TPTE: variants seen among roughly 807,000 people sequenced by gnomAD.
TPTE encodes putative tyrosine-protein phosphatase TPTE.
A neutral mutation model predicts 84.1 loss-of-function variants in TPTE; 59 were observed. The observed-to-expected ratio is 0.70, with a 90% CI of 0.57 to 0.87. TPTE has a LOEUF of 0.87. TPTE is among the 40% of genes least tolerant of loss of function. The pLI is 0.00. For missense variants in TPTE, 382 were observed against 659.6 expected (o/e 0.58, Z 4.61); for synonymous variants, 130 against 223.5 (o/e 0.58, Z 3.73).
In TPTE at chr21:10,592,209, TG is replaced by T; in HGVS notation, c.1090-81del. On this transcript the variant is annotated intron_variant, in intron 18 of 23. Transcript: ENST00000618007. ...AAATCACTGACTTTAGGAAAGAAGG[TG>T]GGCGTAGAAACACTAAGGGTACCTA... 3.1e-6 allele frequency: 5 copies of T among 1,587,394 alleles called. No homozygotes were observed. The South Asian group carries it at 5.6e-5, about 18-fold the overall frequency.
intron 8 of TPTE, among the ~76,000 whole-genome samples, chr21:10,554,406 C>G (rs542065481): frequency 3.9e-4 from 60 of 152,388 alleles, no homozygotes; most frequent in African/African-American, 1.3e-3. Context: ...TTGATATGTG[C>G]TTTAACATCA....
Position 10,542,423 on chromosome 21 carries a change from A to G in TPTE, c.94A>G (p.Thr32Ala), listed in dbSNP as rs1424875846. 1 of 1,611,638 alleles carries G rather than the reference A, an allele frequency of 6.2e-7. No individual in the cohort carries two copies. Among genetic ancestry groups the G allele is most frequent in the Admixed American group, 1.7e-5 (1 of 59,926 alleles). Reference protein sequence around the residue: ...SPQTSEFKGATEEAPAKESPH... With the variant: ...SPQTSEFKGAAEEAPAKESPH... ...ACAGACAAGTGAATTTAAAGGAGCA[A>G]CCGAGGAGGCACCTGCGAAAGAAAG... The change falls in exon 6 of 24, where the codon ACC becomes GCC. Residue 32 changes from threonine (T) to alanine (A), a missense_variant. Thr to Ala is a moderately conservative substitution (Grantham distance 58, BLOSUM62 0). Around this residue, in one of 10 missense-constraint regions of TPTE, gnomAD observed 63 missense variants for 49.5 expected, o/e 1.27. Transcript: ENST00000618007.
rs1274110868 is a variant in TPTE at position 10,597,995 on chromosome 21, A to G, written c.1277-20A>G. On this transcript the variant is annotated intron_variant, in intron 20 of 23. Transcript: ENST00000618007. The stretch of plus-strand genomic sequence containing the variant: ...TCACGCTAGCCAACCTAACTTTTTA[A>G]TTTCATTTTGTTGGAACAGGTTATG... 1.2e-5 allele frequency: 19 copies of G among 1,612,332 alleles called. No homozygotes were observed. Among genetic ancestry groups the G allele is most frequent in the Admixed American group, 8.4e-5 (5 of 59,866 alleles).
chr21:10,605,631 T>G lies in TPTE; in HGVS notation c.*79T>G. 1 of 1,594,256 alleles carries G rather than the reference T, an allele frequency of 6.3e-7. No individual in the cohort carries two copies. Among genetic ancestry groups the G allele is most frequent in the Non-Finnish European group, 8.5e-7 (1 of 1,173,664 alleles). On this transcript the variant is annotated 3_prime_UTR_variant, in exon 24 of 24. Coordinates refer to ENST00000618007, the MANE Select transcript of TPTE (RefSeq NM_199261.4). ...CACATGTTCATATATCCTAAATCTA[T>G]CCTAAATGTTCCTTGAAGTATTTAT... is the stretch of plus-strand genomic sequence containing the variant.
chr21:10,573,093 T>G (rs1305243223), intron 14 of TPTE, among the ~76,000 whole-genome samples: 1 of 150,118 alleles, frequency 6.7e-6, no homozygotes, highest in Non-Finnish European at 1.5e-5. Flanking sequence ...GTATGCTGCC[T>G]ACAAGAAACT....
intron 3 of TPTE, among the ~76,000 whole-genome samples, chr21:10,528,157 A>G (rs1444517591): frequency 6.6e-6 from 1 of 152,308 alleles, no homozygotes; most frequent in Non-Finnish European, 1.5e-5. Flanking sequence ...ATTTTTAGGG[A>G]CAACACATTG....
At chr21:10,589,501 G>A (rs1370544981) in intron 17 of TPTE, among the ~76,000 whole-genome samples, 396 of 150,712 alleles carry the variant, frequency 2.6e-3, no homozygotes, top group African/African-American at 9.6e-3. Context: ...GGGGGCACAA[G>A]ATGGGTGCAG....
At chr21:10,548,517 C>G (rs2074513835) in intron 7 of TPTE, among the ~76,000 whole-genome samples, 1 of 152,310 alleles carries the variant, frequency 6.6e-6, no homozygotes, top group Admixed American at 6.5e-5. Context: ...CCCTGGCAGG[C>G]ACCACCCAGG....
At chr21:10,533,453 CT>C (rs1244596976) in intron 3 of TPTE, among the ~76,000 whole-genome samples, 4 of 152,306 alleles carry the variant, frequency 2.6e-5, no homozygotes, top group Admixed American at 6.5e-5. Context: ...TGTTGTATTT[CT>C]TTTTCAGTAG....
At chr21:10,526,386 G>A (rs1180886609) in intron 2 of TPTE, among the ~76,000 whole-genome samples, 3 of 152,426 alleles carry the variant, frequency 2.0e-5, no homozygotes, top group African/African-American at 7.2e-5. Context: ...ATTAGTTTGT[G>A]TAGGGGAACT....
At chr21:10,598,622 G>A (rs2075634061) in intron 21 of TPTE, among the ~76,000 whole-genome samples, 1 of 152,310 alleles carries the variant, frequency 6.6e-6, no homozygotes, top group African/African-American at 2.4e-5. Context: ...GAGGTTCTGT[G>A]GGATGACCCT....
At chr21:10,536,934 G>GA (rs2074276982) in intron 3 of TPTE, among the ~76,000 whole-genome samples, 2 of 152,310 alleles carry the variant, frequency 1.3e-5, no homozygotes, top group East Asian at 1.9e-4. Flanking sequence ...GGCCCTTAGG[G>GA]AAAACAAACA....
intron 8 of TPTE, among the ~76,000 whole-genome samples, chr21:10,558,850 A>T (rs1420302103): frequency 1.3e-5 from 2 of 152,306 alleles, no homozygotes; most frequent in African/African-American, 4.8e-5. Context: ...TCCAGCCATA[A>T]GGTAAAATGA....
At chr21:10,586,120 A>G (rs2145757176) in intron 17 of TPTE, among the ~76,000 whole-genome samples, 1 of 152,414 alleles carries the variant, frequency 6.6e-6, no homozygotes, top group East Asian at 1.9e-4. Context: ...TCCTTGGGTT[A>G]ATTTGTTCTT....
At chr21:10,605,108 A>C (rs537890515) in intron 23 of TPTE, among the ~76,000 whole-genome samples, 4 of 152,424 alleles carry the variant, frequency 2.6e-5, no homozygotes, top group African/African-American at 7.2e-5. Context: ...GCTTTCATTC[A>C]TGTCTATCCT....
chr21:10,584,879 A>T (rs913932748), intron 17 of TPTE, among the ~76,000 whole-genome samples: 7 of 148,746 alleles, frequency 4.7e-5, no homozygotes, highest in African/African-American at 1.5e-4. Context: ...ATGCTTTACG[A>T]GTGTGTGTGT....
chr21:10,555,009 G>T (rs959485067), intron 8 of TPTE, among the ~76,000 whole-genome samples: 1 of 152,300 alleles, frequency 6.6e-6, no homozygotes, highest in African/African-American at 2.4e-5. Flanking sequence ...AGAGAAAAAT[G>T]TGTCCAGTGG....
Position 10,543,240 on chromosome 21 carries a change from G to T in TPTE, c.120-89G>T, listed in dbSNP as rs1185675059. On this transcript the variant is annotated intron_variant, in intron 6 of 23. Coordinates refer to ENST00000618007, the MANE Select transcript of TPTE (RefSeq NM_199261.4). The stretch of plus-strand genomic sequence containing the variant: ...GTAGAGACGGGGTTTCACCTTGTTA[G>T]CCAGGATGGTCTCAATCTCCTGACC... 14 of 1,477,306 alleles carry T rather than the reference G, an allele frequency of 9.5e-6. 1 individual carries two copies. In the African/African-American group the frequency reaches 2.4e-4, roughly 26 times the overall value. The allele number at this position is 1,477,306 out of a possible 1,614,324, so 91.5% of individuals were successfully genotyped here.
At chr21:10,563,735 A>G (rs2074855008) in intron 10 of TPTE, among the ~76,000 whole-genome samples, 1 of 152,312 alleles carries the variant, frequency 6.6e-6, no homozygotes. Context: ...GAAGGAAGAG[A>G]AGACCCCAAA....
Sources: allele counts gnomAD v4.1 joint callset (sites outside exome capture counted in the v4.1 genomes callset), GRCh38; gene constraint gnomAD v4.1.1; regional missense constraint gnomAD v4.1.1; transcripts MANE v1.5; gene names NCBI Gene and HGNC (gene_info 2026-07-23, HGNC 2026-07-21).